The following BTNL9 variants were observed in gnomAD, a reference collection of about 807,000 sequenced individuals.
The protein encoded by BTNL9 is butyrophilin-like protein 9.
In BTNL9, 45 loss-of-function variants were observed where a neutral mutation model predicts 45.8. The ratio of observed to expected loss-of-function variants is 0.98; its 90% CI spans 0.77 to 1.26. BTNL9 has a LOEUF of 1.26. Among genes scored for constraint, BTNL9 ranks in the 50% most tolerant of loss-of-function variants. The pLI is 0.00. For missense variants in BTNL9, 784 were observed against 729.7 expected (o/e 1.07, Z -0.86); for synonymous variants, 346 against 330.8 (o/e 1.05, Z -0.50).
Position 181,059,706 on chromosome 5 carries a change from G to A in BTNL9, c.1452G>A (p.Ala484=), listed in dbSNP as rs905663284. 6.2e-7 allele frequency: 1 copy of A among 1,613,564 alleles called. No individual in the cohort carries two copies. The highest frequency in any genetic ancestry group is 8.5e-7 in the Non-Finnish European group (1 of 1,179,962). The change falls in exon 11 of 11, where the codon GCG becomes GCA. Residue 484 remains alanine (A), a synonymous_variant. Transcript: ENST00000327705. ...ACACCTTCTCGGGCGCGCTCTGTGC[G>A]TACTTCAGGCCCAGGGCCCACGACG... ...FHDTFSGALC[A]YFRPRAHDGG...
At chr5:181,046,135 C>CTGTAGTGT (rs1554154220) in intron 2 of BTNL9, among the ~76,000 whole-genome samples, 6 of 122,948 alleles carry the variant, frequency 4.9e-5, no homozygotes, top group South Asian at 2.8e-4. Context: ...CCCCCAACAC[C>CTGTAGTGT]TCCTCCACCA....
In BTNL9 at chr5:181,053,961, G is replaced by A; in HGVS notation, c.887-278G>A. On this transcript the variant is annotated intron_variant, in intron 6 of 10. Transcript: ENST00000327705. This position sits in a 1 kb window ranked among gnomAD's most constrained non-coding sequence, Gnocchi z 6.5. ...GTCCGGGGCTTAACGTTTCCGCCGA[G>A]CTAATAGATTTGGGAGGCTCCGACC... 2 of 1,527,332 alleles carry A rather than the reference G, an allele frequency of 1.3e-6. No individual in the cohort carries two copies. Among genetic ancestry groups the A allele is most frequent in the Non-Finnish European group, 1.8e-6 (2 of 1,141,178 alleles). 94.6% of individuals were successfully genotyped at this position (1,527,332 alleles called of 1,614,324 possible).
At chr5:181,057,825 A>G (rs527549019) in intron 9 of BTNL9, among the ~76,000 whole-genome samples, 44 of 152,326 alleles carry the variant, frequency 2.9e-4, no homozygotes, top group African/African-American at 1.1e-3. Flanking sequence ...AGCTCTGAGA[A>G]CGTCTTGTGT....
At position 181,053,803 on chromosome 5, in the gene BTNL9, G is replaced by T. The variant is rs1183521364; in HGVS notation, c.886+302G>T. On this transcript the variant is annotated intron_variant, in intron 6 of 10. Transcript: ENST00000327705. The surrounding 1 kb of genome is among the most constrained non-coding windows in gnomAD (Gnocchi z 6.5). ...CTGTACAGAGGGAGCGGTGACCAGG[G>T]TCTCTGCTGCCAGCGCCACCTCGTC... is the stretch of plus-strand genomic sequence containing the variant. 5 of 1,520,876 alleles carry T rather than the reference G, an allele frequency of 3.3e-6. No homozygotes were observed. The East Asian group carries it at 1.3e-4, about 38-fold the overall frequency. 94.2% of individuals were successfully genotyped at this position (1,520,876 alleles called of 1,614,324 possible).
Position 181,059,433 on chromosome 5 carries a change from C to G in BTNL9, c.1179C>G (p.Arg393=). ...ACTGGGAGGTGCACGTGGGCCGCCG[C>G]AGCCGCTGGTTCCTGGGCGCCTGCC... is the stretch of plus-strand genomic sequence containing the variant. The part of the protein sequence containing the change: ...RHYWEVHVGR[R]SRWFLGACLA... The change falls in exon 11 of 11, where the codon CGC becomes CGG. Residue 393 remains arginine, a synonymous_variant. Transcript: ENST00000327705. 1 of 1,477,022 alleles carries G rather than the reference C, an allele frequency of 6.8e-7. No homozygotes were observed. Among genetic ancestry groups the G allele is most frequent in the Non-Finnish European group, 8.9e-7 (1 of 1,118,552 alleles). 91.5% of individuals were successfully genotyped at this position (1,477,022 alleles called of 1,614,324 possible).
chr5:181,048,016 G>T lies in BTNL9; in HGVS notation c.199G>T (p.Ala67Ser). The T allele has an allele frequency of 6.2e-7, 1 of 1,613,834 alleles. No homozygotes were observed. The highest frequency in any genetic ancestry group is 8.5e-7 in the Non-Finnish European group (1 of 1,180,014). ...GTGCCACCTATGGCCACAGCTGGAT[G>T]CCCAGCAAATGGAGATCCGCTGGTT... is the stretch of plus-strand genomic sequence containing the variant. ...FPCHLWPQLD[A>S]QQMEIRWFRS... Residue 67 changes from alanine to serine, a missense_variant, in exon 3 of 11, where the codon GCC becomes TCC. Transcript: ENST00000327705.
At position 181,059,482 on chromosome 5, in the gene BTNL9, C is replaced by A. The variant is rs1762055953; in HGVS notation, c.1228C>A (p.Pro410Thr). Residue 410 changes from proline (P) to threonine (T), a missense_variant, in exon 11 of 11, where the codon CCT (proline) becomes ACT (threonine). Pro to Thr is a conservative substitution (Grantham distance 38). Coordinates refer to ENST00000327705, the MANE Select transcript of BTNL9 (RefSeq NM_152547.5). ...CCTGGCCGCGGTGCCGCGCGCGGGG[C>A]CTGCGCGCCTGAGCCCTGCGGCCGG... ...ACLAAVPRAG[P>T]ARLSPAAGYW... The A allele has an allele frequency of 1.4e-6, 2 of 1,479,248 alleles. No homozygotes were observed. The highest frequency in any genetic ancestry group is 1.8e-6 in the Non-Finnish European group (2 of 1,121,462). 91.6% of individuals were successfully genotyped at this position (1,479,248 alleles called of 1,614,324 possible).
chr5:181,055,102 C>T lies in BTNL9; in HGVS notation c.908-331C>T, dbSNP rs1399674741. On this transcript the variant is annotated intron_variant, in intron 7 of 10. Coordinates refer to ENST00000327705, the MANE Select transcript of BTNL9 (RefSeq NM_152547.5). The surrounding 1 kb of genome is among the most constrained non-coding windows in gnomAD (Gnocchi z 4.4). Reference sequence around the variant, plus strand: ...GCGGCCCTCAGTGCCTGCACTTAGGCGGGAGCTCCGCCCCAGGAAGCTTGT... The same window carrying T: ...GCGGCCCTCAGTGCCTGCACTTAGGTGGGAGCTCCGCCCCAGGAAGCTTGT... The T allele has an allele frequency of 3.5e-6, 4 of 1,131,122 alleles. No homozygotes were observed. The highest frequency in any genetic ancestry group is 3.3e-6 in the Non-Finnish European group (3 of 922,448). The allele number at this position is 1,131,122 out of a possible 1,614,324, so 70.1% of individuals were successfully genotyped here. A position where few individuals can be genotyped will look rare whatever the true frequency, so the allele number is the denominator to read the frequency against.
At position 181,050,341 on chromosome 5, in the gene BTNL9, G is replaced by A. The variant is rs1761465951; in HGVS notation, c.708G>A (p.Gln236=). 6.2e-7 allele frequency: 1 copy of A among 1,614,104 alleles called. No individual in the cohort carries two copies. The highest frequency in any genetic ancestry group is 1.3e-5 in the African/African-American group (1 of 75,058). The change falls in exon 4 of 11, where the codon CAG becomes CAA. Residue 236 remains glutamine (Q), a synonymous_variant. Coordinates refer to ENST00000327705, the MANE Select transcript of BTNL9 (RefSeq NM_152547.5). The surrounding 1 kb of genome is among the most constrained non-coding windows in gnomAD (Gnocchi z 4.9). ...CCATCCAGAATCTCCTCTTGAGCCA[G>A]AAGAAAGAGTTGGTGGTCCAGATAG... The part of the protein sequence containing the change: ...SVSIQNLLLS[Q]KKELVVQIAD...
In BTNL9 at chr5:181,053,011, C is replaced by T. The variant is rs1362960198; in HGVS notation, c.737-189C>T. 2.1e-5 allele frequency: 3 copies of T among 144,216 alleles called. No individual in the cohort carries two copies. The highest frequency in any genetic ancestry group is 4.1e-5 in the Non-Finnish European group (3 of 72,938). 8.9% of individuals were successfully genotyped at this position (144,216 alleles called of 1,614,324 possible). A position where few individuals can be genotyped will look rare whatever the true frequency, so the allele number is the denominator to read the frequency against. On this transcript the variant is annotated intron_variant, in intron 4 of 10. Transcript: ENST00000327705. The surrounding 1 kb of genome is among the most constrained non-coding windows in gnomAD (Gnocchi z 6.5). ...CACGCCCCGCGGCGCGCCCCCGCCC[C>T]CTCCGCCGCGCGCGCCCCCGCCCCC...
intron 3 of BTNL9, among the ~76,000 whole-genome samples, chr5:181,048,871 G>GTTATATAATATTATATAATTATATTAT (rs1761374377): frequency 3.2e-5 from 4 of 123,682 alleles, no homozygotes; most frequent in East Asian, 2.2e-4. Context: ...AATTATATTA[G>GTTATATAATATTATATAATTATATTAT]TTATATAATA....
intron 1 of BTNL9, among the ~76,000 whole-genome samples, chr5:181,040,676 T>C (rs773214742): frequency 2.9e-4 from 44 of 152,186 alleles, no homozygotes; most frequent in Non-Finnish European, 6.2e-4. Context: ...CGAAAAAGAT[T>C]TCAAGCCTCA....
rs1243853368 is a variant in BTNL9, at chr5:181,059,787, C to T, written c.1533C>T (p.Gly511=). Reference sequence around the variant, plus strand: ...GCCCGCTGCCGGTTAGAGGGACGGGCGTCCCCGAAGAGAACGACAGTGACA... The same window carrying T: ...GCCCGCTGCCGGTTAGAGGGACGGGTGTCCCCGAAGAGAACGACAGTGACA... ...TICPLPVRGT[G]VPEENDSDTW... is the part of the protein sequence containing the mutation. The change falls in exon 11 of 11, where the codon GGC becomes GGT. Residue 511 remains glycine (G), a synonymous_variant. Transcript: ENST00000327705. The T allele has an allele frequency of 7.5e-6, 12 of 1,605,788 alleles. No homozygotes were observed. The highest frequency in any genetic ancestry group is 2.2e-5 in the South Asian group (2 of 90,626).
chr5:181,044,337 G>C (rs544236201), intron 1 of BTNL9, among the ~76,000 whole-genome samples: 1 of 152,148 alleles, frequency 6.6e-6, no homozygotes, highest in Non-Finnish European at 1.5e-5. Context: ...CCAAGGTCTC[G>C]GAAGAAAAGC....
Position 181,045,470 on chromosome 5 carries a change from G to A in BTNL9, c.-20G>A, listed in dbSNP as rs1380606456. 8 of 1,532,550 alleles carry A rather than the reference G, an allele frequency of 5.2e-6. No individual in the cohort carries two copies. The highest frequency in any genetic ancestry group is 2.2e-5 in the East Asian group (1 of 44,542). 94.9% of individuals were successfully genotyped at this position (1,532,550 alleles called of 1,614,324 possible). A position where few individuals can be genotyped will look rare whatever the true frequency, so the allele number is the denominator to read the frequency against. On this transcript the variant is annotated 5_prime_UTR_variant, in exon 2 of 11. Transcript: ENST00000327705. Reference sequence around the variant, plus strand: ...GCACCCCTTTGTCCCTCTCCAGGTGGCCCCCACTGCTGACGAGAGATGGTG... The same window carrying A: ...GCACCCCTTTGTCCCTCTCCAGGTGACCCCCACTGCTGACGAGAGATGGTG...
intron 1 of BTNL9, 114 bp from the exon 2 acceptor site, chr5:181,045,353 T>G: frequency 1.6e-6 from 1 of 625,504 alleles, no homozygotes. Flanking sequence ...TTGTAAGGAA[T>G]TTGAGAACTA....
At position 181,040,266 on chromosome 5, in the gene BTNL9, A is replaced by G. The variant is rs570588640; in HGVS notation, c.-190A>G. 13 of 152,154 alleles carry G rather than the reference A, an allele frequency of 8.5e-5. No individual in the cohort carries two copies. The highest frequency in any genetic ancestry group is 1.9e-4 in the Non-Finnish European group (13 of 68,036). 9.4% of individuals were successfully genotyped at this position (152,154 alleles called of 1,614,324 possible). The stretch of plus-strand genomic sequence containing the variant: ...ATCTTAGGGTGGAAGATGGATAAAT[A>G]ATTCTGTCACACGTGCCCTGGCCTC... On this transcript the variant is annotated 5_prime_UTR_variant, in exon 1 of 11. Transcript: ENST00000327705.
At chr5:181,040,806 G>C (rs932619567) in intron 1 of BTNL9, among the ~76,000 whole-genome samples, 2 of 152,252 alleles carry the variant, frequency 1.3e-5, no homozygotes, top group Non-Finnish European at 2.9e-5. Flanking sequence ...GGTCTGCCGG[G>C]GGGAAGGGCA....
At chr5:181,059,064 G>A in intron 10 of BTNL9, 173 bp from the exon 11 acceptor site, 3 of 705,330 alleles carry the variant, frequency 4.3e-6, no homozygotes, top group Non-Finnish European at 5.2e-6. Flanking sequence ...AGGAGTGACT[G>A]ACACATGCCA....
Sources: allele counts gnomAD v4.1 joint callset (sites outside exome capture counted in the v4.1 genomes callset), GRCh38; gene constraint gnomAD v4.1.1; non-coding constraint Gnocchi (gnomAD v3.1); transcripts MANE v1.5; gene names NCBI Gene and HGNC (gene_info 2026-07-23, HGNC 2026-07-21).